Variants in CCDC112 observed in about 807,000 individuals in gnomAD.
CCDC112 encodes coiled-coil domain containing 112.
CCDC112 carries 40 observed loss-of-function variants against 66.3 expected under a neutral mutation model. The ratio of observed to expected loss-of-function variants is 0.60; its 90% confidence interval spans 0.47 to 0.79. The LOEUF is 0.79. CCDC112 is among the 30% of genes least tolerant of loss of function. The pLI is 0.00. For synonymous variants in CCDC112, 214 were observed against 197.2 expected (o/e 1.09, Z -0.71); for missense variants, 659 against 603.8 (o/e 1.09, Z -0.96).
At chr5:115,280,294 A>G (rs1244889857) in intron 2 of CCDC112, 1 of 152,222 alleles carries the variant, frequency 6.6e-6, no homozygotes, top group Non-Finnish European at 1.5e-5. Context: ...GTACAAGTAT[A>G]CTATGGAAAT....
rs1393276445 is a variant in CCDC112 at position 115,296,505 on chromosome 5, G to A, written c.39C>T (p.Ala13=). The A allele has an allele frequency of 1.3e-6, 2 of 1,546,936 alleles. No homozygotes were observed. The highest frequency in any genetic ancestry group is 1.9e-5 in the Admixed American group (1 of 53,346). ...CTGCCACAGCCCCGGCTACCGCGGT[G>A]GCCGCAGCCGCTACCACAACCGTCG... ...ALTTVVVAAA[A]TAVAGAVAGA... is the part of the protein sequence containing the mutation. Residue 13 remains alanine (A), a synonymous_variant, in exon 1 of 10, where the codon GCC becomes GCT. Transcript: ENST00000379611.
At chr5:115,271,965 C>T (rs1194827257) in intron 6 of CCDC112, among the ~76,000 whole-genome samples, 1 of 144,888 alleles carries the variant, frequency 6.9e-6, no homozygotes, top group African/African-American at 2.6e-5. Flanking sequence ...GCTTTTGTTG[C>T]CCAGGCTGGA....
chr5:115,281,327 C>T (rs1194788879), intron 2 of CCDC112, among the ~76,000 whole-genome samples: 1 of 152,108 alleles, frequency 6.6e-6, no homozygotes, highest in Admixed American at 6.6e-5. Context: ...TCTGACCGCC[C>T]ATAGAGAAAA....
intron 2 of CCDC112, among the ~76,000 whole-genome samples, chr5:115,284,115 AAGT>A (rs1749572148): frequency 6.6e-6 from 1 of 152,080 alleles, no homozygotes; most frequent in African/African-American, 2.4e-5. Context: ...AAAAAAAAAA[AAGT>A]AAGAGCACAG....
At chr5:115,287,980 G>A (rs1488495323) in intron 1 of CCDC112, among the ~76,000 whole-genome samples, 3 of 151,576 alleles carry the variant, frequency 2.0e-5, no homozygotes, top group East Asian at 3.9e-4. Context: ...AATCTAAAAT[G>A]CCTTTTTTTT....
intron 6 of CCDC112, among the ~76,000 whole-genome samples, chr5:115,274,167 C>T (rs1193475578): frequency 6.6e-6 from 1 of 152,096 alleles, no homozygotes; most frequent in East Asian, 1.9e-4. Flanking sequence ...CTATTTTTCC[C>T]CTCCAGTGGA....
chr5:115,284,103 TC>T (rs1749571419), intron 2 of CCDC112, among the ~76,000 whole-genome samples: 1 of 149,376 alleles, frequency 6.7e-6, no homozygotes, highest in African/African-American at 2.5e-5. Flanking sequence ...AAAAAGCCAC[TC>T]AAAAAAAAAA....
chr5:115,296,419 G>A lies in CCDC112; in HGVS notation c.117+8C>T, dbSNP rs1290961261. 2.6e-6 allele frequency: 4 copies of A among 1,567,664 alleles called. No homozygotes were observed. The highest frequency in any genetic ancestry group is 1.1e-5 in the South Asian group (1 of 88,224). ...CGCCAGAGCAGCTCTCGGTTCTCCC[G>A]GATTTACCTGTTGAGGCGCTGGCGT... On this transcript the variant is annotated splice_region_variant and intron_variant, in intron 1 of 9. Coordinates refer to ENST00000379611, the MANE Select transcript of CCDC112 (RefSeq NM_001040440.3).
intron 7 of CCDC112, among the ~76,000 whole-genome samples, 168 bp downstream of exon 7, chr5:115,271,045 A>G (rs899074892): frequency 6.6e-6 from 1 of 152,094 alleles, no homozygotes; most frequent in Non-Finnish European, 1.5e-5. Context: ...TATCTTTCCC[A>G]CTAGACTATA....
At chr5:115,290,910 T>C (rs990038152) in intron 1 of CCDC112, among the ~76,000 whole-genome samples, 14 of 152,138 alleles carry the variant, frequency 9.2e-5, no homozygotes, top group Admixed American at 7.9e-4. Flanking sequence ...TTAGAATTTT[T>C]AATATATATT....
At chr5:115,281,109 C>T (rs533626744) in intron 2 of CCDC112, among the ~76,000 whole-genome samples, 16 of 151,816 alleles carry the variant, frequency 1.1e-4, no homozygotes, top group Admixed American at 7.9e-4. Context: ...CTGTAACCTC[C>T]GCCTCCCTGG....
intron 1 of CCDC112, among the ~76,000 whole-genome samples, chr5:115,285,641 C>A (rs1020655681): frequency 4.6e-5 from 7 of 152,072 alleles, no homozygotes; most frequent in African/African-American, 1.7e-4. Flanking sequence ...TGTGCCAGAT[C>A]ATACAGATAT....
Position 115,269,812 on chromosome 5 carries a change from ACCCATAGCATT to A in CCDC112, c.1333-25_1333-15del. The A allele has an allele frequency of 2.7e-6, 4 of 1,460,168 alleles. No individual in the cohort carries two copies. The highest frequency in any genetic ancestry group is 3.7e-6 in the Non-Finnish European group (4 of 1,082,798). 90.5% of individuals were successfully genotyped at this position (1,460,168 alleles called of 1,614,324 possible). Reference sequence around the variant, plus strand: ...TTTATGTAAATCCTTAAAAAAAAAAACCCATAGCATTAAGAAAGCATGTGAACTAGAATTTG... The same window carrying A: ...TTTATGTAAATCCTTAAAAAAAAAAAAAGAAAGCATGTGAACTAGAATTTG... On this transcript the variant is annotated splice_polypyrimidine_tract_variant and intron_variant, in intron 7 of 9. Transcript: ENST00000379611.
At chr5:115,272,032 C>A (rs1303129816) in intron 6 of CCDC112, among the ~76,000 whole-genome samples, 2 of 149,886 alleles carry the variant, frequency 1.3e-5, no homozygotes, top group Admixed American at 1.3e-4. Flanking sequence ...TCAAGTGATT[C>A]TCCCGCCTCA....
At position 115,271,515 on chromosome 5, in the gene CCDC112, G is replaced by C. The variant is rs1245466479; in HGVS notation, c.1030C>G (p.Gln344Glu). ...VLFHNKQEDN[Q>E]KQKEEQRKKQ... is the part of the protein sequence containing the mutation. ...TTTCTTTGTTCCTCTTTTTGCTTTT[G>C]ATTATCCTCTTGTTTATTATGAAAA... The change falls in exon 7 of 10, where the codon CAA becomes GAA. Residue 344 changes from glutamine to glutamate, a missense_variant. By Grantham distance (29) the Gln-to-Glu change is conservative (BLOSUM62 2). Transcript: ENST00000379611. The C allele has an allele frequency of 2.5e-6, 4 of 1,611,886 alleles. No homozygotes were observed. The highest frequency in any genetic ancestry group is 1.3e-5 in the African/African-American group (1 of 74,618).
chr5:115,286,602 T>C (rs1181280089), intron 1 of CCDC112, among the ~76,000 whole-genome samples: 2 of 152,170 alleles, frequency 1.3e-5, no homozygotes, highest in African/African-American at 4.8e-5. Context: ...TTTTTTTTAC[T>C]TTCCCATTTT....
chr5:115,271,659 G>T, intron 6 of CCDC112, 33 bp from the exon 7 acceptor site: 2 of 1,426,716 alleles, frequency 1.4e-6, no homozygotes, highest in East Asian at 5.0e-5. Context: ...GAAAGCAAGA[G>T]AAAAAAGTTT....
Position 115,296,624 on chromosome 5 carries a change from CA to C in CCDC112, c.-82del. 7.4e-7 allele frequency: 1 copy of C among 1,349,842 alleles called. No homozygotes were observed. Among genetic ancestry groups the C allele is most frequent in the East Asian group, 3.1e-5 (1 of 32,584 alleles). The allele number at this position is 1,349,842 out of a possible 1,614,324, so 83.6% of individuals were successfully genotyped here. A position where few individuals can be genotyped will look rare whatever the true frequency, so the allele number is the denominator to read the frequency against. On this transcript the variant is annotated 5_prime_UTR_variant, in exon 1 of 10. Transcript: ENST00000379611. ...GCAGGCGCACCCTGGCCTCTGCAGA[CA>C]GCTCCCTGCGCTGCGGGCTTGGCCG...
rs2127046331 is a variant in CCDC112 at position 115,267,841 on chromosome 5, A to T, written c.*35T>A. Reference sequence around the variant, plus strand: ...TCTCCCTGGTATAACTTAGTATGTTAACATTCTTATCAACTGAGTAGCAAT... The same window carrying T: ...TCTCCCTGGTATAACTTAGTATGTTTACATTCTTATCAACTGAGTAGCAAT... On this transcript the variant is annotated 3_prime_UTR_variant, in exon 10 of 10. Transcript: ENST00000379611. 1.3e-6 allele frequency: 2 copies of T among 1,547,290 alleles called. No individual in the cohort carries two copies. The highest frequency in any genetic ancestry group is 3.3e-5 in the Admixed American group (2 of 59,798).
Sources: allele counts gnomAD v4.1 joint callset (sites outside exome capture counted in the v4.1 genomes callset), GRCh38; gene constraint gnomAD v4.1.1; transcripts MANE v1.5; gene names NCBI Gene and HGNC (gene_info 2026-07-23, HGNC 2026-07-21).